Variants in TANC2 observed in about 807,000 individuals in gnomAD.
The protein encoded by TANC2 is protein TANC2.
A neutral mutation model predicts 210.5 loss-of-function variants in TANC2; 26 were observed. The ratio of observed to expected loss-of-function variants is 0.12; its 90% confidence interval spans 0.09 to 0.17. The LOEUF is 0.17. Ranked by LOEUF, TANC2 falls within the 10% of genes least tolerant of loss-of-function variation. The pLI is 1.00. For synonymous variants in TANC2, 931 were observed against 967.1 expected (o/e 0.96, Z 0.69); for missense variants, 2,129 against 2,608.9 (o/e 0.82, Z 4.01).
intron 8 of TANC2, among the ~76,000 whole-genome samples, chr17:63,242,660 GA>G (rs2042807319): frequency 6.6e-6 from 1 of 152,072 alleles, no homozygotes; most frequent in Non-Finnish European, 1.5e-5. Context: ...CAAAAGAAAT[GA>G]AAGCATATGT....
At chr17:62,995,479 G>GA (rs1265258887) in intron 1 of TANC2, among the ~76,000 whole-genome samples, 4 of 152,234 alleles carry the variant, frequency 2.6e-5, no homozygotes, top group Non-Finnish European at 4.4e-5. Context: ...TTGAGGTAAA[G>GA]AAACACTGGG....
intron 3 of TANC2, among the ~76,000 whole-genome samples, chr17:63,087,722 A>C (rs2037027546): frequency 6.6e-6 from 1 of 152,100 alleles, no homozygotes; most frequent in Non-Finnish European, 1.5e-5. Flanking sequence ...GTCCCCTCAG[A>C]ATTTTGATTT....
At chr17:63,066,080 C>G (rs1317353047) in intron 2 of TANC2, among the ~76,000 whole-genome samples, 2 of 152,090 alleles carry the variant, frequency 1.3e-5, no homozygotes, top group Non-Finnish European at 2.9e-5. Flanking sequence ...AAGGTACGTC[C>G]TGTTGTCAGG....
chr17:63,215,627 G>A, intron 7 of TANC2, among the ~76,000 whole-genome samples: 1 of 152,220 alleles, frequency 6.6e-6, no homozygotes. Context: ...GGGGTACAGA[G>A]AGCCTCTGGA....
intron 5 of TANC2, among the ~76,000 whole-genome samples, chr17:63,176,123 C>T (rs1466366721): frequency 6.6e-6 from 1 of 152,234 alleles, no homozygotes; most frequent in African/African-American, 2.4e-5. Context: ...TCACCAGTCA[C>T]TTTGGAAACT....
At chr17:63,277,292 T>G (rs996534839) in intron 9 of TANC2, among the ~76,000 whole-genome samples, 6 of 151,858 alleles carry the variant, frequency 4.0e-5, no homozygotes, top group African/African-American at 1.5e-4. Context: ...TTTTTTTTTT[T>G]TAACTTTTAT....
chr17:63,004,998 A>G, intron 1 of TANC2: 1 of 157,936 alleles, frequency 6.3e-6, no homozygotes, highest in Non-Finnish European at 1.4e-5. Flanking sequence ...CACTGATCAC[A>G]GGGATGCAGT....
chr17:63,107,644 A>C lies in TANC2; in HGVS notation c.322+8287A>C, dbSNP rs567446575. 2.0e-5 allele frequency among the ~76,000 whole-genome samples: 3 copies of C among 151,914 alleles called. No homozygotes were observed. The South Asian group carries it at 6.2e-4, about 31-fold the overall frequency. On this transcript the variant is annotated intron_variant, in intron 4 of 27. Transcript: ENST00000689528. ...GATATATTCGTATTATTTGGCATTA[A>C]AAATAAATGCTTTCATGATCCATGG...
intron 5 of TANC2, among the ~76,000 whole-genome samples, chr17:63,176,557 G>A (rs990854406): frequency 6.6e-6 from 1 of 152,192 alleles, no homozygotes; most frequent in Non-Finnish European, 1.5e-5. Context: ...TGTAATCCCA[G>A]CACTTTGGGA....
intron 4 of TANC2, among the ~76,000 whole-genome samples, chr17:63,105,750 G>A (rs571109365): frequency 1.3e-5 from 2 of 151,602 alleles, no homozygotes; most frequent in South Asian, 4.2e-4. Flanking sequence ...AATATAAAGG[G>A]CCTGTAGATA....
At chr17:63,098,630 C>T (rs1598397091) in intron 3 of TANC2, among the ~76,000 whole-genome samples, 2 of 150,822 alleles carry the variant, frequency 1.3e-5, no homozygotes, top group East Asian at 1.9e-4. Context: ...CTGCCATTAC[C>T]AGAAGTGGAA....
At chr17:63,349,297 T>C (rs1169240783) in intron 12 of TANC2, among the ~76,000 whole-genome samples, 1 of 152,206 alleles carries the variant, frequency 6.6e-6, no homozygotes, top group Non-Finnish European at 1.5e-5. Flanking sequence ...ATTCATTCAT[T>C]AAAATGTCTG....
Position 62,981,503 on chromosome 17 carries a change from C to G in TANC2, c.-24+14754C>G, listed in dbSNP as rs531798399. 5.3e-5 allele frequency among the ~76,000 whole-genome samples: 8 copies of G among 152,268 alleles called. No individual in the cohort carries two copies. The South Asian group carries it at 1.7e-3, about 32-fold the overall frequency. ...TCACATTATTCTCCTTCTTTCTTCC[C>G]TGAAAGTCTCTAGCTTTGTATCTCA... On this transcript the variant is annotated intron_variant, in intron 1 of 27. Transcript: ENST00000689528.
At chr17:63,402,729 G>A (rs1169190406) in intron 19 of TANC2, among the ~76,000 whole-genome samples, 4 of 152,216 alleles carry the variant, frequency 2.6e-5, no homozygotes, top group Non-Finnish European at 5.9e-5. Flanking sequence ...GACAAGCTAG[G>A]AAACAAATTC....
intron 26 of TANC2, among the ~76,000 whole-genome samples, chr17:63,417,881 G>A (rs946181564): frequency 6.6e-6 from 1 of 152,150 alleles, no homozygotes; most frequent in Non-Finnish European, 1.5e-5. Context: ...CTGTCCCTTA[G>A]AAAGCCACAG....
intron 3 of TANC2, among the ~76,000 whole-genome samples, chr17:63,077,332 T>C (rs2036606406): frequency 2.6e-5 from 4 of 152,232 alleles, no homozygotes; most frequent in Non-Finnish European, 5.9e-5. Flanking sequence ...TCTGCCTGTC[T>C]TATACACTTT....
chr17:63,110,767 A>G (rs1263542096), intron 4 of TANC2, among the ~76,000 whole-genome samples: 1 of 152,194 alleles, frequency 6.6e-6, no homozygotes, highest in Non-Finnish European at 1.5e-5. Flanking sequence ...TTAAATTTCA[A>G]CACCTGAATT....
chr17:63,149,652 T>C (rs979782532), intron 4 of TANC2: 3 of 141,920 alleles, frequency 2.1e-5, no homozygotes, highest in Admixed American at 7.1e-5. Context: ...ATTGAATAAA[T>C]AAACTGTTTC....
At chr17:63,174,358 C>T (rs898480650) in intron 5 of TANC2, among the ~76,000 whole-genome samples, 1 of 152,194 alleles carries the variant, frequency 6.6e-6, no homozygotes, top group South Asian at 2.1e-4. Context: ...AACTTGAAAT[C>T]TGTTTCCTGG....
Sources: allele counts gnomAD v4.1 joint callset (sites outside exome capture counted in the v4.1 genomes callset), GRCh38; gene constraint gnomAD v4.1.1; transcripts MANE v1.5; gene names NCBI Gene and HGNC (gene_info 2026-07-23, HGNC 2026-07-21).